The following LZTFL1 variants were observed in gnomAD, a reference collection of about 807,000 sequenced individuals.
LZTFL1 encodes the protein leucine zipper transcription factor-like protein 1.
Under a neutral mutation model 45.9 loss-of-function variants are expected in LZTFL1, and 25 were observed. The ratio of observed to expected loss-of-function variants is 0.54; its 90% confidence interval spans 0.40 to 0.76. LZTFL1 has a LOEUF of 0.76. LZTFL1 is among the 30% of genes least tolerant of loss of function. LZTFL1 has a pLI of 0.00. For missense variants in LZTFL1, 277 were observed against 331.1 expected (o/e 0.84, Z 1.27); for synonymous variants, 93 against 117.4 (o/e 0.79, Z 1.35).
chr3:45,874,198 T>C (rs1701712983), intron 2 of LZTFL1, among the ~76,000 whole-genome samples: 1 of 152,174 alleles, frequency 6.6e-6, no homozygotes, highest in South Asian at 2.1e-4. Context: ...TACATCTCTA[T>C]TTTGGGAGAC....
intron 2 of LZTFL1, among the ~76,000 whole-genome samples, chr3:45,862,045 C>T (rs994649837): frequency 1.3e-5 from 2 of 152,166 alleles, no homozygotes; most frequent in Admixed American, 6.5e-5. Context: ...ATACGACCAG[C>T]TATGGACTTT....
intron 1 of LZTFL1, among the ~76,000 whole-genome samples, chr3:45,914,885 G>A (rs1281624321): frequency 6.6e-6 from 1 of 152,166 alleles, no homozygotes; most frequent in Non-Finnish European, 1.5e-5. Flanking sequence ...GTCCCTGCTG[G>A]TGCAGAGGAG....
chr3:45,830,970 T>G lies in LZTFL1; in HGVS notation c.543A>C (p.Glu181Asp). Residue 181 changes from glutamate (E) to aspartate (D), a missense_variant, in exon 7 of 10, where the codon GAA becomes GAC. Transcript: ENST00000296135. ...IEIQATNALD[E>D]KSKLEKALQD... is the part of the protein sequence containing the mutation. The stretch of plus-strand genomic sequence containing the variant: ...GCAGTGCTTTTTCTAGTTTTGACTT[T>G]TCATCCAGTGCATTTGTAGCCTATA... 5.0e-6 allele frequency: 8 copies of G among 1,614,092 alleles called. No homozygotes were observed. Among genetic ancestry groups the G allele is most frequent in the Non-Finnish European group, 6.8e-6 (8 of 1,179,956 alleles).
chr3:45,909,463 G>GT (rs1199584899), intron 2 of LZTFL1, among the ~76,000 whole-genome samples: 7 of 151,932 alleles, frequency 4.6e-5, no homozygotes, highest in African/African-American at 1.7e-4. Flanking sequence ...CCTCTTCTTT[G>GT]TTTCATCTGC....
At chr3:45,888,040 C>G (rs182375701) in intron 2 of LZTFL1, among the ~76,000 whole-genome samples, 2 of 152,182 alleles carry the variant, frequency 1.3e-5, no homozygotes, top group Non-Finnish European at 2.9e-5. Flanking sequence ...TGCACAATAA[C>G]CCCATGCTGA....
intron 1 of LZTFL1, among the ~76,000 whole-genome samples, chr3:45,913,493 C>T (rs141291798): frequency 8.5e-5 from 13 of 152,290 alleles, no homozygotes; most frequent in African/African-American, 2.9e-4. Context: ...TAATGCATTA[C>T]ATAAAATCTA....
At chr3:45,854,076 T>C (rs1701348978) in intron 4 of LZTFL1, among the ~76,000 whole-genome samples, 2 of 152,234 alleles carry the variant, frequency 1.3e-5, no homozygotes, top group South Asian at 4.1e-4. Context: ...TACAGTTTCC[T>C]GGGCTTTTGC....
At position 45,858,018 on chromosome 3, in the gene LZTFL1, T is replaced by G. The variant is rs189358939; in HGVS notation, c.-138+922A>C. On this transcript the variant is annotated intron_variant, in intron 3 of 4. Transcript: ENST00000472635. Reference sequence around the variant, plus strand: ...TAAAGGAAATGCTGGTTTTAATGTCTGCTAATTTTGTGCTTTTCTTAAGAA... The same window carrying G: ...TAAAGGAAATGCTGGTTTTAATGTCGGCTAATTTTGTGCTTTTCTTAAGAA... Among the ~76,000 whole-genome samples, 260 of 152,358 alleles carry G rather than the reference T, an allele frequency of 1.7e-3. 2 individuals are homozygous for G. Among genetic ancestry groups the G allele is most frequent in the Middle Eastern group, 0.017 (5 of 294 alleles).
intron 2 of LZTFL1, among the ~76,000 whole-genome samples, chr3:45,880,407 C>T (rs967575758): frequency 7.2e-5 from 11 of 152,110 alleles, no homozygotes; most frequent in Non-Finnish European, 1.5e-4. Context: ...GAAGCTGAGA[C>T]AGGAGAATCA....
intron 2 of LZTFL1, among the ~76,000 whole-genome samples, chr3:45,873,828 A>G (rs1701707393): frequency 6.6e-6 from 1 of 152,064 alleles, no homozygotes; most frequent in African/African-American, 2.4e-5. Flanking sequence ...TCCCTCCTAT[A>G]ATCTTCCCCA....
rs138487902 is a variant in LZTFL1, at chr3:45,847,621, T to C, written c.-49+7365A>G. ...CCTCCTGACTTCATGGACAAAAGCA[T>C]TGATGGAACTAATCCAGAATAAGGG... is the stretch of plus-strand genomic sequence containing the variant. On this transcript the variant is annotated intron_variant, in intron 4 of 4. Transcript: ENST00000472635. 3.1e-4 allele frequency among the ~76,000 whole-genome samples: 47 copies of C among 152,360 alleles called. No homozygotes were observed. In the East Asian group the frequency reaches 8.7e-3, roughly 28 times the overall value.
At chr3:45,876,943 G>T (rs1183594033) in intron 2 of LZTFL1, among the ~76,000 whole-genome samples, 3 of 152,108 alleles carry the variant, frequency 2.0e-5, no homozygotes, top group Non-Finnish European at 4.4e-5. Context: ...CTTCCTCCGG[G>T]CTCTCTTCAA....
chr3:45,873,152 A>G (rs547556185), intron 2 of LZTFL1, among the ~76,000 whole-genome samples: 1 of 152,250 alleles, frequency 6.6e-6, no homozygotes, highest in Non-Finnish European at 1.5e-5. Flanking sequence ...TCCCCAAACC[A>G]ATTTTTCAAG....
chr3:45,835,310 T>G (rs1274246526), intron 3 of LZTFL1: 2 of 359,174 alleles, frequency 5.6e-6, no homozygotes, highest in Non-Finnish European at 1.0e-5. Context: ...CTGACCAAGC[T>G]AACAAAAATG....
rs1264317140 is a variant in LZTFL1, at chr3:45,833,072, C to A, written c.434G>T (p.Gly145Val). 2 of 1,613,588 alleles carry A rather than the reference C, an allele frequency of 1.2e-6. No individual in the cohort carries two copies. The highest frequency in any genetic ancestry group is 1.7e-6 in the Non-Finnish European group (2 of 1,179,614). The change falls in exon 5 of 10, where the codon GGA (glycine) becomes GTA (valine). Residue 145 changes from glycine to valine, a missense_variant. Physicochemically the swap from Gly to Val is moderately radical, Grantham distance 109. Transcript: ENST00000296135. Reference sequence around the variant, plus strand: ...TACCTTGTTTAGGAGTTCTGCTGTTCCACCTTCATTAAGTGGAGCAAGTTT... The same window carrying A: ...TACCTTGTTTAGGAGTTCTGCTGTTACACCTTCATTAAGTGGAGCAAGTTT... ...KPKLAPLNEG[G>V]TAELLNKEIL... is the part of the protein sequence containing the mutation.
chr3:45,880,189 C>A (rs192069966), intron 2 of LZTFL1, among the ~76,000 whole-genome samples: 1 of 152,148 alleles, frequency 6.6e-6, no homozygotes, highest in Non-Finnish European at 1.5e-5. Flanking sequence ...GTTTCCCATG[C>A]AGCAATCAGT....
chr3:45,878,803 A>G (rs561679616), intron 2 of LZTFL1, among the ~76,000 whole-genome samples: 3 of 152,374 alleles, frequency 2.0e-5, no homozygotes, highest in African/African-American at 7.2e-5. Flanking sequence ...TCACTGGGCC[A>G]GGTGCAGTGG....
intron 2 of LZTFL1, among the ~76,000 whole-genome samples, chr3:45,879,444 G>A (rs562645077): frequency 1.3e-5 from 2 of 152,252 alleles, no homozygotes; most frequent in East Asian, 1.9e-4. Flanking sequence ...CAACAAATAC[G>A]GCATTCCGGA....
chr3:45,863,607 T>C (rs948676736), intron 2 of LZTFL1, among the ~76,000 whole-genome samples: 1 of 152,216 alleles, frequency 6.6e-6, no homozygotes, highest in Non-Finnish European at 1.5e-5. Context: ...CAGCATCCCC[T>C]GTGACGCAGT....
Sources: allele counts gnomAD v4.1 joint callset (sites outside exome capture counted in the v4.1 genomes callset), GRCh38; gene constraint gnomAD v4.1.1; transcripts MANE v1.5; gene names NCBI Gene and HGNC (gene_info 2026-07-23, HGNC 2026-07-21).